SLC12A4: variants seen among roughly 807,000 people sequenced by gnomAD.
SLC12A4 encodes the protein solute carrier family 12 member 4, also known as electroneutral potassium-chloride cotransporter 1.
Under a neutral mutation model 119.2 loss-of-function variants are expected in SLC12A4, and 84 were observed. The ratio of observed to expected loss-of-function variants is 0.70; its 90% confidence interval spans 0.59 to 0.85. The LOEUF (loss-of-function observed/expected upper bound fraction) is 0.85, where lower values mean the gene tolerates loss of function less well. SLC12A4 is among the 40% of genes least tolerant of loss of function. The pLI is 0.00. For synonymous variants in SLC12A4, 599 were observed against 604.6 expected, an observed-to-expected ratio of 0.99 and a Z score of 0.14; for missense variants, 1,298 against 1,476.3, an observed-to-expected ratio of 0.88 and a Z score of 1.98.
At position 67,957,759 on chromosome 16, in the gene SLC12A4, G is replaced by A; in HGVS notation, c.527C>T (p.Thr176Ile). 6.2e-7 allele frequency: 1 copy of A among 1,613,648 alleles called. No homozygotes were observed. The highest frequency in any genetic ancestry group is 8.5e-7 in the Non-Finnish European group (1 of 1,180,036). ...LTAISMSAIA[T>I]NGVVPAGGSY... ...TCACTGACCTGGAACCACACCGTTG[G>A]TGGCGATGGCACTCATGGAGATGGC... The change falls in exon 5 of 24, where the codon ACC becomes ATC. Residue 176 changes from threonine (T) to isoleucine (I), a missense_variant. Coordinates refer to ENST00000316341, the MANE Select transcript of SLC12A4 (RefSeq NM_005072.5).
Position 67,943,624 on chromosome 16 carries a change from C to T in SLC12A4, c.*1216G>A. On this transcript the variant is annotated 3_prime_UTR_variant, in exon 24 of 24. Transcript: ENST00000316341. This position sits in a 1 kb window ranked among gnomAD's most constrained non-coding sequence, Gnocchi z 4.6. ...GCATCTTGTCCTTGGTGGGTGGGGG[C>T]CAAGGAAGGAGTGGTGGGGCTTGGC... 1 of 508,964 alleles carries T rather than the reference C, an allele frequency of 2.0e-6. No homozygotes were observed. Among genetic ancestry groups the T allele is most frequent in the Non-Finnish European group, 3.6e-6 (1 of 280,550 alleles). The allele number at this position is 508,964 out of a possible 1,614,324, so 31.5% of individuals were successfully genotyped here.
At chr16:67,945,602 TG>T in intron 21 of SLC12A4, 49 bp from the exon 22 acceptor site, 2 of 1,585,460 alleles carry the variant, frequency 1.3e-6, no homozygotes, top group Non-Finnish European at 1.7e-6. Context: ...AAAAGGGGGA[TG>T]GGGCCTGTCT....
At position 67,944,972 on chromosome 16, in the gene SLC12A4, G is replaced by A. The variant is rs767716010; in HGVS notation, c.3167-41C>T. ...TCAAGGAGGCAACAACAGAATCAAC[G>A]GGCAACCCGGGCCACCTGGGCCATG... On this transcript the variant is annotated intron_variant, in intron 23 of 23. Coordinates refer to ENST00000316341, the MANE Select transcript of SLC12A4 (RefSeq NM_005072.5). The surrounding 1 kb of genome is among the most constrained non-coding windows in gnomAD (Gnocchi z 6.6). 19 of 1,612,086 alleles carry A rather than the reference G, an allele frequency of 1.2e-5. No individual in the cohort carries two copies. The Admixed American group carries it at 2.8e-4, about 24-fold the overall frequency.
intron 3 of SLC12A4, among the ~76,000 whole-genome samples, chr16:67,960,520 G>A (rs1323213482): frequency 6.6e-6 from 1 of 151,632 alleles, no homozygotes; most frequent in Non-Finnish European, 1.5e-5. Context: ...ACCCCAGAAA[G>A]GCCCAAATCT....
intron 6 of SLC12A4, 60 bp downstream of exon 6, chr16:67,954,583 T>C: frequency 6.2e-7 from 1 of 1,601,244 alleles, no homozygotes; most frequent in Non-Finnish European, 8.5e-7. Context: ...GCCTTCTGTT[T>C]GGAGTCCAAA....
Position 67,950,603 on chromosome 16 carries a change from G to A in SLC12A4, c.1454+51C>T. ...CCCACGGGGTTGGGAGCTGGTGTGA[G>A]GGCAGGCCAAAGCCCAGCCGCTGCT... On this transcript the variant is annotated intron_variant, in intron 11 of 23. Coordinates refer to ENST00000316341, the MANE Select transcript of SLC12A4 (RefSeq NM_005072.5). This position sits in a 1 kb window ranked among gnomAD's most constrained non-coding sequence, Gnocchi z 4.3. 6.2e-7 allele frequency: 1 copy of A among 1,607,502 alleles called. No homozygotes were observed. Among genetic ancestry groups the A allele is most frequent in the Non-Finnish European group, 8.5e-7 (1 of 1,176,448 alleles).
At chr16:67,961,190 T>C (rs967092041) in intron 3 of SLC12A4, among the ~76,000 whole-genome samples, 2 of 152,134 alleles carry the variant, frequency 1.3e-5, no homozygotes, top group African/African-American at 4.8e-5. Flanking sequence ...CTTAGACAAG[T>C]TCCTTAATGT....
chr16:67,953,537 G>A (rs1454418927), intron 6 of SLC12A4, among the ~76,000 whole-genome samples: 7 of 152,208 alleles, frequency 4.6e-5, no homozygotes, highest in Non-Finnish European at 8.8e-5. Context: ...CAGGGCTGGC[G>A]GGGAATGGAG....
intron 5 of SLC12A4, among the ~76,000 whole-genome samples, chr16:67,955,418 A>G (rs150909669): frequency 1.9e-3 from 296 of 152,272 alleles, no homozygotes; most frequent in African/African-American, 6.5e-3. Context: ...GGATCAAGAA[A>G]TTCTTTCAAA....
Position 67,949,832 on chromosome 16 carries a change from G to C in SLC12A4, c.1716C>G (p.Ala572=). 6.2e-7 allele frequency: 1 copy of C among 1,610,562 alleles called. No homozygotes were observed. Among genetic ancestry groups the C allele is most frequent in the Admixed American group, 1.7e-5 (1 of 59,646 alleles). ...AGATGGGGGCCACCATGTCGAGGGA[G>C]GCGATGAGGATGCCCAGCTCGGCGA... is the stretch of plus-strand genomic sequence containing the variant. ...ALIAELGILI[A]SLDMVAPILS... Residue 572 remains alanine (A), a synonymous_variant, in exon 13 of 24, where the codon GCC becomes GCG. Transcript: ENST00000316341. This position sits in a 1 kb window ranked among gnomAD's most constrained non-coding sequence, Gnocchi z 4.6.
At position 67,949,673 on chromosome 16, in the gene SLC12A4, G is replaced by A; in HGVS notation, c.1748+127C>T. ...GCAGGGGTGGGCTGAGCCCTGTCAG[G>A]CCACATCTCCCCATGCAGCCTGCCA... On this transcript the variant is annotated intron_variant, in intron 13 of 23. Coordinates refer to ENST00000316341, the MANE Select transcript of SLC12A4 (RefSeq NM_005072.5). This position sits in a 1 kb window ranked among gnomAD's most constrained non-coding sequence, Gnocchi z 4.6. The A allele has an allele frequency of 1.5e-6, 1 of 652,372 alleles. No homozygotes were observed. Among genetic ancestry groups the A allele is most frequent in the East Asian group, 2.9e-5 (1 of 35,036 alleles). 40.4% of individuals were successfully genotyped at this position (652,372 alleles called of 1,614,324 possible).
intron 1 of SLC12A4, among the ~76,000 whole-genome samples, chr16:67,964,991 G>GA (rs1178766412): frequency 6.6e-6 from 1 of 152,220 alleles, no homozygotes; most frequent in Non-Finnish European, 1.5e-5. Flanking sequence ...CACAGCATGT[G>GA]AAAGTGGCAC....
chr16:67,965,945 CA>C (rs1321054858), intron 1 of SLC12A4, among the ~76,000 whole-genome samples: 2 of 152,190 alleles, frequency 1.3e-5, no homozygotes, highest in African/African-American at 2.4e-5. Flanking sequence ...GGCGGAGCTG[CA>C]GGTTCCGTTC....
Position 67,944,173 on chromosome 16 carries a change from C to T in SLC12A4, c.*667G>A. 1 of 1,509,862 alleles carries T rather than the reference C, an allele frequency of 6.6e-7. No individual in the cohort carries two copies. Among genetic ancestry groups the T allele is most frequent in the Non-Finnish European group, 8.9e-7 (1 of 1,120,526 alleles). The allele number at this position is 1,509,862 out of a possible 1,614,324, so 93.5% of individuals were successfully genotyped here. A position where few individuals can be genotyped will look rare whatever the true frequency, so the allele number is the denominator to read the frequency against. On this transcript the variant is annotated 3_prime_UTR_variant, in exon 24 of 24. Coordinates refer to ENST00000316341, the MANE Select transcript of SLC12A4 (RefSeq NM_005072.5). The surrounding 1 kb of genome is among the most constrained non-coding windows in gnomAD (Gnocchi z 6.6). Reference sequence around the variant, plus strand: ...TTATCTGGTGTGGGAGTGGGAGGGGCCCTAGGGCCAGTGGGAGGGACGGCC... The same window carrying T: ...TTATCTGGTGTGGGAGTGGGAGGGGTCCTAGGGCCAGTGGGAGGGACGGCC...
At chr16:67,968,311 A>G (rs1205407845) in intron 1 of SLC12A4, 128 bp downstream of exon 1, 53 of 831,898 alleles carry the variant, frequency 6.4e-5, no homozygotes, top group Middle Eastern at 6.2e-4. Flanking sequence ...GCGCGGTCCA[A>G]AAAAAGTTGA....
chr16:67,950,458 CCCA>C lies in SLC12A4; in HGVS notation c.1487_1489del (p.Val496del). On this transcript the variant is annotated inframe_deletion, in exon 12 of 24. Coordinates refer to ENST00000316341, the MANE Select transcript of SLC12A4 (RefSeq NM_005072.5). This position sits in a 1 kb window ranked among gnomAD's most constrained non-coding sequence, Gnocchi z 4.3. ...CCAGGGTGAAGGCCAGGCCAGTGTG[CCCA>C]CCACCAAGTTCCTGCTGACACCATC... 1 of 1,613,972 alleles carries C rather than the reference CCCA, an allele frequency of 6.2e-7. No homozygotes were observed. Among genetic ancestry groups the C allele is most frequent in the Non-Finnish European group, 8.5e-7 (1 of 1,180,006 alleles).
At position 67,943,518 on chromosome 16, in the gene SLC12A4, G is replaced by C; in HGVS notation, c.*1322C>G. 1 of 521,624 alleles carries C rather than the reference G, an allele frequency of 1.9e-6. No individual in the cohort carries two copies. The highest frequency in any genetic ancestry group is 3.5e-6 in the Non-Finnish European group (1 of 286,662). The allele number at this position is 521,624 out of a possible 1,614,324, so 32.3% of individuals were successfully genotyped here. A position where few individuals can be genotyped will look rare whatever the true frequency, so the allele number is the denominator to read the frequency against. ...ATTGCCAAAGTCCAAGGTGGGAACA[G>C]ATAGGTCTGGGGGCATGGGGGCTGG... On this transcript the variant is annotated 3_prime_UTR_variant, in exon 24 of 24. Transcript: ENST00000316341. The surrounding 1 kb of genome is among the most constrained non-coding windows in gnomAD (Gnocchi z 4.6).
rs1008343106 is a variant in SLC12A4, at chr16:67,957,390, C to T, written c.544+352G>A. ...TTCACCGTGTTGGCCAGGATGGTCTCGATCTCCTGCCCTTGTGATCCACCC... is the reference window on the plus strand; with the variant it reads ...TTCACCGTGTTGGCCAGGATGGTCTTGATCTCCTGCCCTTGTGATCCACCC... On this transcript the variant is annotated intron_variant, in intron 5 of 23. Transcript: ENST00000316341. The T allele has an allele frequency of 2.1e-4, 49 of 236,158 alleles. 1 individual carries two copies. The highest frequency in any genetic ancestry group is 5.1e-4 in the South Asian group (10 of 19,656). 14.6% of individuals were successfully genotyped at this position (236,158 alleles called of 1,614,324 possible).
chr16:67,944,543 G>C lies in SLC12A4; in HGVS notation c.*297C>G. The C allele has an allele frequency of 2.1e-5, 27 of 1,288,414 alleles. No individual in the cohort carries two copies. Among genetic ancestry groups the C allele is most frequent in the Non-Finnish European group, 2.7e-5 (27 of 1,017,382 alleles). 79.8% of individuals were successfully genotyped at this position (1,288,414 alleles called of 1,614,324 possible). A position where few individuals can be genotyped will look rare whatever the true frequency, so the allele number is the denominator to read the frequency against. On this transcript the variant is annotated 3_prime_UTR_variant, in exon 24 of 24. Coordinates refer to ENST00000316341, the MANE Select transcript of SLC12A4 (RefSeq NM_005072.5). The surrounding 1 kb of genome is among the most constrained non-coding windows in gnomAD (Gnocchi z 6.6). ...ATAAATAGCGCTCCTGGGCTGGGCC[G>C]GGCCGGCTGCCTTCAAACCCCACTC...
Sources: gnomAD v4.1 joint callset for allele counts (sites outside exome capture counted in the v4.1 genomes callset) on GRCh38, gnomAD v4.1.1 for gene constraint, Gnocchi (gnomAD v3.1) non-coding constraint, MANE v1.5 for transcripts, NCBI Gene and HGNC (gene_info 2026-07-23, HGNC 2026-07-21) for gene names.